The following ARSG variants were observed in gnomAD, a reference collection of about 807,000 sequenced individuals.
ARSG encodes ASG.
A neutral mutation model predicts 50.5 loss-of-function variants in ARSG; 37 were observed. The observed-to-expected ratio is 0.73, with a 90% CI of 0.56 to 0.96. ARSG has a LOEUF of 0.96. ARSG is among the 50% of genes least tolerant of loss of function. The pLI, the probability that ARSG is intolerant of heterozygous loss-of-function variation, is 0.00. For synonymous variants in ARSG, 225 were observed against 254.6 expected, an observed-to-expected ratio of 0.88 and a Z score of 1.11; for missense variants, 629 against 675.3, an observed-to-expected ratio of 0.93 and a Z score of 0.76.
At chr17:68,403,301 G>A (rs1427934825) in intron 11 of ARSG, among the ~76,000 whole-genome samples, 1 of 152,168 alleles carries the variant, frequency 6.6e-6, no homozygotes, top group African/African-American at 2.4e-5. Flanking sequence ...CACAATGTTG[G>A]AATCAGACAT....
At chr17:68,273,837 A>G in intron 1 of ARSG, 3 of 1,445,742 alleles carry the variant, frequency 2.1e-6, no homozygotes, top group Non-Finnish European at 2.8e-6. Flanking sequence ...AAGAGAAAGA[A>G]ATATAGTTTG....
chr17:68,393,313 C>T (rs954101951), intron 9 of ARSG, among the ~76,000 whole-genome samples: 1 of 152,114 alleles, frequency 6.6e-6, no homozygotes, highest in Non-Finnish European at 1.5e-5. Context: ...CACCATCCCA[C>T]CCACCCTGTA....
intron 5 of ARSG, among the ~76,000 whole-genome samples, chr17:68,352,127 A>C (rs1352897145): frequency 8.3e-6 from 1 of 120,148 alleles, no homozygotes; most frequent in African/African-American, 3.0e-5. Context: ...GAGGAGAGAG[A>C]GAGAGAGAGA....
chr17:68,371,476 A>G (rs2079844442), intron 8 of ARSG, among the ~76,000 whole-genome samples: 1 of 152,128 alleles, frequency 6.6e-6, no homozygotes, highest in African/African-American at 2.4e-5. Context: ...CTCTGTCTCT[A>G]TTTCAACATC....
At position 68,381,446 on chromosome 17, in the gene ARSG, A is replaced by G. The variant is rs1393361501; in HGVS notation, c.983-3618A>G. 2.0e-5 allele frequency among the ~76,000 whole-genome samples: 3 copies of G among 152,246 alleles called. No homozygotes were observed. On this transcript the variant is annotated intron_variant, in intron 8 of 11. Coordinates refer to ENST00000621439, the MANE Select transcript of ARSG (RefSeq NM_001267727.2). The surrounding 1 kb of genome is among the most constrained non-coding windows in gnomAD (Gnocchi z 4.1). ...TCTCGACAGAAAGCCGAAGGCAACT[A>G]ACAGTTTTAATGTGCCAGTGCCTGA...
At chr17:68,427,005 AAGGGGGAAGGGGAGGGAGGG>A, downstream of ARSG, 1 of 731,838 alleles carries the variant, frequency 1.4e-6, no homozygotes, top group East Asian at 2.5e-5. Flanking sequence ...GGTAACAGTG[AAGGGGGAAGGGGAGGGAGGG>A]CACTCCACCC....
At chr17:68,379,421 A>ATTTT (rs375841879) in intron 8 of ARSG, among the ~76,000 whole-genome samples, 1,393 of 72,252 alleles carry the variant, frequency 0.019, 154 homozygotes, top group Non-Finnish European at 0.024. Context: ...GAACACTACA[A>ATTTT]TTTTTTTTTT....
At chr17:68,266,721 G>A (rs2075174216) in intron 1 of ARSG, among the ~76,000 whole-genome samples, 1 of 151,824 alleles carries the variant, frequency 6.6e-6, no homozygotes, top group Non-Finnish European at 1.5e-5. Context: ...TGAGACAGGA[G>A]AATCACTTGA....
intron 6 of ARSG, 113 bp downstream of exon 6, chr17:68,356,917 C>T: frequency 7.6e-7 from 1 of 1,322,160 alleles, no homozygotes; most frequent in Non-Finnish European, 1.1e-6. Context: ...TTTTGCTGCT[C>T]AGCAGAGATG....
intron 8 of ARSG, among the ~76,000 whole-genome samples, chr17:68,374,558 C>G (rs925067095): frequency 6.6e-6 from 1 of 152,050 alleles, no homozygotes; most frequent in Non-Finnish European, 1.5e-5. Context: ...ATGAGAAATA[C>G]ATTTACTAGC....
chr17:68,306,094 C>G (rs1389590775), intron 1 of ARSG, among the ~76,000 whole-genome samples: 2 of 151,996 alleles, frequency 1.3e-5, no homozygotes, highest in Non-Finnish European at 2.9e-5. Flanking sequence ...TCTCTGCCTC[C>G]TGGGTTCAAG....
intron 11 of ARSG, among the ~76,000 whole-genome samples, chr17:68,415,753 G>A (rs1236658758): frequency 6.6e-6 from 1 of 152,148 alleles, no homozygotes; most frequent in Non-Finnish European, 1.5e-5. Context: ...GTTGGACACG[G>A]CCTTTTACCA....
chr17:68,268,245 A>G (rs2075215874), intron 1 of ARSG: 1 of 152,608 alleles, frequency 6.6e-6, no homozygotes, highest in African/African-American at 2.4e-5. Flanking sequence ...TAATCATCCT[A>G]GAATAACTTA....
the ARSG span, chr17:68,436,549 C>A: frequency 4.8e-6 from 7 of 1,447,870 alleles, no homozygotes; most frequent in Non-Finnish European, 6.8e-6. Flanking sequence ...GAGAGGGCAT[C>A]TGAAAACAGT....
intron 1 of ARSG, among the ~76,000 whole-genome samples, chr17:68,275,710 G>A (rs1031703560): frequency 8.6e-5 from 13 of 151,968 alleles, no homozygotes; most frequent in African/African-American, 2.9e-4. Context: ...GGCTGGGTGC[G>A]GTGGCTTACA....
downstream of ARSG, chr17:68,427,080 AGG>A: frequency 7.0e-7 from 1 of 1,438,808 alleles, no homozygotes; most frequent in South Asian, 1.1e-5. Flanking sequence ...TGCAGGGAGA[AGG>A]GGAGGGAGGT....
At chr17:68,278,510 C>T (rs531213405) in intron 1 of ARSG, among the ~76,000 whole-genome samples, 2 of 152,172 alleles carry the variant, frequency 1.3e-5, no homozygotes, top group African/African-American at 4.8e-5. Flanking sequence ...AGTGCAGTGG[C>T]ATGATCTCAG....
chr17:68,290,123 G>A (rs970000829), upstream of ARSG, among the ~76,000 whole-genome samples: 5 of 152,110 alleles, frequency 3.3e-5, no homozygotes, highest in Admixed American at 3.3e-4. Context: ...TCATTCCCGG[G>A]GTAGAAACCA....
intron 2 of ARSG, among the ~76,000 whole-genome samples, chr17:68,325,231 C>G (rs1298508238): frequency 6.6e-6 from 1 of 151,994 alleles, no homozygotes; most frequent in South Asian, 2.1e-4. Context: ...CACAGGAGTG[C>G]GAGCCCTATT....
Sources: allele counts gnomAD v4.1 joint callset (sites outside exome capture counted in the v4.1 genomes callset), GRCh38; gene constraint gnomAD v4.1.1; non-coding constraint Gnocchi (gnomAD v3.1); transcripts MANE v1.5; gene names NCBI Gene and HGNC (gene_info 2026-07-23, HGNC 2026-07-21).